The following BABAM2 variants were observed in gnomAD, a reference collection of about 807,000 sequenced individuals.
BABAM2 encodes BRISC and BRCA1 A complex member 2.
In BABAM2, 31 loss-of-function variants were observed where a neutral mutation model predicts 54.7. The observed-to-expected ratio is 0.57, with a 90% CI of 0.43 to 0.77. The LOEUF is 0.77. Among genes scored for constraint, BABAM2 ranks in the 30% least tolerant of loss-of-function variants. BABAM2 has a pLI of 0.00. For synonymous variants in BABAM2, 167 were observed against 162.9 expected (o/e 1.03, Z -0.19); for missense variants, 364 against 455.8 (o/e 0.80, Z 1.83).
intron 7 of BABAM2, among the ~76,000 whole-genome samples, chr2:28,168,772 T>C (rs1397342936): frequency 6.6e-6 from 1 of 152,168 alleles, no homozygotes; most frequent in Non-Finnish European, 1.5e-5. Flanking sequence ...TCAGGAAGAT[T>C]AATTAGTGTC....
chr2:28,152,820 A>G (rs1359858894), intron 7 of BABAM2, among the ~76,000 whole-genome samples: 1 of 152,226 alleles, frequency 6.6e-6, no homozygotes. Context: ...GCTACTAGGC[A>G]TTGAGCCCTA....
intron 6 of BABAM2, among the ~76,000 whole-genome samples, chr2:28,105,299 AC>A (rs1464164902): frequency 2.6e-5 from 4 of 152,230 alleles, no homozygotes; most frequent in African/African-American, 7.2e-5. Flanking sequence ...CCCTGGACTT[AC>A]CCACTGATGA....
intron 4 of BABAM2, among the ~76,000 whole-genome samples, chr2:28,006,727 T>C (rs898144212): frequency 3.9e-5 from 6 of 151,982 alleles, no homozygotes; most frequent in African/African-American, 7.2e-5. Flanking sequence ...AACTAGAGAG[T>C]TAGCAGTTTA....
At chr2:27,939,579 C>G (rs1668732196) in intron 3 of BABAM2, among the ~76,000 whole-genome samples, 1 of 152,092 alleles carries the variant, frequency 6.6e-6, no homozygotes. Flanking sequence ...ATTTATTATA[C>G]AAGGAATTTG....
intron 7 of BABAM2, among the ~76,000 whole-genome samples, chr2:28,219,154 A>G (rs1441019983): frequency 1.3e-5 from 2 of 152,174 alleles, no homozygotes; most frequent in Non-Finnish European, 2.9e-5. Flanking sequence ...TCCTTTCTGG[A>G]GACTCTAGTG....
intron 7 of BABAM2, among the ~76,000 whole-genome samples, chr2:28,188,958 T>A (rs1676609934): frequency 6.6e-6 from 1 of 152,206 alleles, no homozygotes; most frequent in Admixed American, 6.5e-5. Flanking sequence ...CCCAACACTT[T>A]GGGAGGCCAA....
intron 6 of BABAM2, among the ~76,000 whole-genome samples, chr2:28,048,071 T>A (rs1178836493): frequency 6.6e-6 from 1 of 152,208 alleles, no homozygotes; most frequent in Non-Finnish European, 1.5e-5. Context: ...AAAATAAACT[T>A]CCTGAATTCC....
At chr2:28,085,144 G>A (rs1665526611) in intron 6 of BABAM2, among the ~76,000 whole-genome samples, 2 of 152,096 alleles carry the variant, frequency 1.3e-5, no homozygotes, top group Non-Finnish European at 1.5e-5. Context: ...GTTAGACATG[G>A]CATAGGAAAT....
At chr2:27,902,905 T>TG (rs1665903055) in intron 2 of BABAM2, among the ~76,000 whole-genome samples, 3 of 147,772 alleles carry the variant, frequency 2.0e-5, no homozygotes, top group Non-Finnish European at 4.5e-5. Flanking sequence ...GTGTGTGTGT[T>TG]TGTGTGTGTG....
intron 5 of BABAM2, among the ~76,000 whole-genome samples, chr2:28,037,082 T>C (rs1027451645): frequency 2.0e-5 from 3 of 152,174 alleles, no homozygotes; most frequent in Admixed American, 2.0e-4. Flanking sequence ...CCTTAAAATT[T>C]TTTCGAATGG....
chr2:28,037,775 T>G (rs1188739459), intron 5 of BABAM2, among the ~76,000 whole-genome samples: 1 of 152,226 alleles, frequency 6.6e-6, no homozygotes, highest in Non-Finnish European at 1.5e-5. Context: ...TAGCTCCTGT[T>G]GACCTAACTC....
intron 10 of BABAM2, among the ~76,000 whole-genome samples, chr2:28,282,019 A>G (rs746861010): frequency 6.6e-6 from 1 of 152,208 alleles, no homozygotes; most frequent in Non-Finnish European, 1.5e-5. Context: ...CAGGCTTAAC[A>G]GGTCCCTCAG....
At chr2:28,078,152 T>G (rs2148668758) in intron 6 of BABAM2, among the ~76,000 whole-genome samples, 1 of 152,218 alleles carries the variant, frequency 6.6e-6, no homozygotes, top group South Asian at 2.1e-4. Flanking sequence ...TCCAGCATCT[T>G]CACAATGTAC....
chr2:27,947,389 A>G (rs1165121147), intron 3 of BABAM2, among the ~76,000 whole-genome samples: 1 of 152,152 alleles, frequency 6.6e-6, no homozygotes, highest in East Asian at 1.9e-4. Flanking sequence ...TAAAAATACT[A>G]TAATACTTCA....
At chr2:27,974,002 T>C (rs1341043586) in intron 3 of BABAM2, among the ~76,000 whole-genome samples, 1 of 152,230 alleles carries the variant, frequency 6.6e-6, no homozygotes, top group East Asian at 1.9e-4. Flanking sequence ...CAGAAAGAAA[T>C]AGATTATCTG....
At chr2:27,943,634 T>C (rs1482867825) in intron 3 of BABAM2, among the ~76,000 whole-genome samples, 1 of 152,196 alleles carries the variant, frequency 6.6e-6, no homozygotes, top group African/African-American at 2.4e-5. Context: ...GAGTTAACCA[T>C]TTTTACTATG....
chr2:28,280,064 T>C (rs1396244746), intron 10 of BABAM2, among the ~76,000 whole-genome samples: 1 of 148,782 alleles, frequency 6.7e-6, no homozygotes, highest in Non-Finnish European at 1.5e-5. Context: ...CATAACTAAT[T>C]TTTTTTTTTT....
intron 4 of BABAM2, among the ~76,000 whole-genome samples, chr2:28,023,363 T>G (rs1337603397): frequency 6.6e-6 from 1 of 152,180 alleles, no homozygotes; most frequent in Non-Finnish European, 1.5e-5. Flanking sequence ...AATGAAATAT[T>G]GTATTTTATT....
At position 28,329,920 on chromosome 2, in the gene BABAM2, G is replaced by A. The variant is rs1289559518; in HGVS notation, c.1089-8530G>A. 6.6e-6 allele frequency among the ~76,000 whole-genome samples: 1 copy of A among 152,190 alleles called. No individual in the cohort carries two copies. The highest frequency in any genetic ancestry group is 1.5e-5 in the Non-Finnish European group (1 of 68,040). The stretch of plus-strand genomic sequence containing the variant: ...GCCAATACTCCTGATGAACATCAGT[G>A]TAAAAATCCTCAATAAAATACTGGC... On this transcript the variant is annotated intron_variant, in intron 11 of 11. Coordinates refer to ENST00000379624, the MANE Select transcript of BABAM2 (RefSeq NM_199191.3). This position sits in a 1 kb window ranked among gnomAD's most constrained non-coding sequence, Gnocchi z 4.2.
Sources: allele counts gnomAD v4.1 joint callset (sites outside exome capture counted in the v4.1 genomes callset), GRCh38; gene constraint gnomAD v4.1.1; non-coding constraint Gnocchi (gnomAD v3.1); transcripts MANE v1.5; gene names NCBI Gene and HGNC (gene_info 2026-07-23, HGNC 2026-07-21).